NTRK3: variants seen among roughly 807,000 people sequenced by gnomAD.
The protein encoded by NTRK3 is NT-3 growth factor receptor.
Under a neutral mutation model 91.7 loss-of-function variants are expected in NTRK3, and 24 were observed. The observed-to-expected ratio is 0.26, with a 90% CI of 0.19 to 0.37. The LOEUF (loss-of-function observed/expected upper bound fraction) is 0.37, where lower values mean the gene tolerates loss of function less well. Among genes scored for constraint, NTRK3 ranks in the 10% least tolerant of loss-of-function variants. The pLI is 1.00. For missense variants in NTRK3, 880 were observed against 1,068.9 expected, an observed-to-expected ratio of 0.82 and a Z score of 2.46; for synonymous variants, 483 against 404.0, an observed-to-expected ratio of 1.20 and a Z score of -2.34.
intron 17 of NTRK3, among the ~76,000 whole-genome samples, chr15:87,917,878 C>A (rs935978767): frequency 1.3e-5 from 2 of 152,170 alleles, no homozygotes; most frequent in African/African-American, 4.8e-5. Context: ...GCACAGTCTT[C>A]AGAGATATGA....
chr15:87,995,215 T>G lies in NTRK3; in HGVS notation c.1585+37642A>C, dbSNP rs371803292. Among the ~76,000 whole-genome samples the G allele has an allele frequency of 2.6e-5, 4 of 152,260 alleles. No individual in the cohort carries two copies. The East Asian group carries it at 7.7e-4, about 29-fold the overall frequency. Reference sequence around the variant, plus strand: ...TCAGGTAGACACACCCAGCCTGCACTCACCAAATCTGTGCCTTAGCCCTCA... The same window carrying G: ...TCAGGTAGACACACCCAGCCTGCACGCACCAAATCTGTGCCTTAGCCCTCA... On this transcript the variant is annotated intron_variant, in intron 14 of 18. Transcript: ENST00000394480.
intron 14 of NTRK3, among the ~76,000 whole-genome samples, chr15:88,003,053 G>A (rs2076231351): frequency 6.6e-6 from 1 of 152,152 alleles, no homozygotes; most frequent in Non-Finnish European, 1.5e-5. Flanking sequence ...TAATCACAGA[G>A]CAAAGGGCAT....
chr15:88,197,826 T>C (rs2047961290), intron 3 of NTRK3, among the ~76,000 whole-genome samples: 1 of 152,214 alleles, frequency 6.6e-6, no homozygotes, highest in Non-Finnish European at 1.5e-5. Context: ...GGCATCATCA[T>C]GCCGTCTCCC....
At chr15:87,871,509 C>A (rs1282143195) in exon 19 of NTRK3, 4 of 230,540 alleles carry the variant, frequency 1.7e-5, no homozygotes, top group Middle Eastern at 1.3e-3. Context: ...TATACCAACC[C>A]CCAAATAAGA....
At chr15:88,150,098 T>G (rs1041468000) in intron 5 of NTRK3, among the ~76,000 whole-genome samples, 14 of 152,276 alleles carry the variant, frequency 9.2e-5, no homozygotes, top group African/African-American at 3.4e-4. Flanking sequence ...CAATGGGCAG[T>G]TGGTAGCCAG....
At chr15:88,068,495 T>G (rs938865538) in intron 13 of NTRK3, among the ~76,000 whole-genome samples, 2 of 152,088 alleles carry the variant, frequency 1.3e-5, no homozygotes, top group Non-Finnish European at 2.9e-5. Context: ...AAGGAATACT[T>G]TGACTACCAG....
chr15:88,067,775 A>C (rs1440929375), intron 13 of NTRK3, among the ~76,000 whole-genome samples: 4 of 152,218 alleles, frequency 2.6e-5, no homozygotes, highest in Non-Finnish European at 5.9e-5. Flanking sequence ...TCTCAGTCTC[A>C]ATTTTCTATA....
chr15:88,074,645 G>A (rs1325264263), intron 13 of NTRK3, among the ~76,000 whole-genome samples: 1 of 152,158 alleles, frequency 6.6e-6, no homozygotes, highest in Non-Finnish European at 1.5e-5. Flanking sequence ...GCTAGTAAAT[G>A]ATGACATCAA....
chr15:87,912,762 G>C (rs528493593), intron 17 of NTRK3, among the ~76,000 whole-genome samples: 1 of 150,136 alleles, frequency 6.7e-6, no homozygotes, highest in Admixed American at 6.7e-5. Flanking sequence ...TCATCCAGAC[G>C]TTTATCAAGG....
chr15:87,947,724 G>C (rs943596056), intron 14 of NTRK3, among the ~76,000 whole-genome samples: 1 of 152,146 alleles, frequency 6.6e-6, no homozygotes, highest in African/African-American at 2.4e-5. Flanking sequence ...GAGAGGAAGG[G>C]AGGATCTGTG....
intron 3 of NTRK3, among the ~76,000 whole-genome samples, chr15:88,222,431 G>T (rs759545335): frequency 6.6e-6 from 1 of 152,168 alleles, no homozygotes; most frequent in Admixed American, 6.5e-5. Context: ...CACAGTTTAC[G>T]TTCCTAACCC....
At chr15:87,953,485 G>T (rs968809219) in intron 14 of NTRK3, among the ~76,000 whole-genome samples, 3 of 152,214 alleles carry the variant, frequency 2.0e-5, no homozygotes, top group Non-Finnish European at 4.4e-5. Context: ...TCTCTGGGAA[G>T]ATCCCAGACA....
At chr15:88,024,559 C>T (rs1011234792) in intron 14 of NTRK3, among the ~76,000 whole-genome samples, 2 of 152,154 alleles carry the variant, frequency 1.3e-5, no homozygotes, top group Non-Finnish European at 1.5e-5. Context: ...GACGCCAAGA[C>T]AGAGCTACCA....
Position 87,916,031 on chromosome 15 carries a change from C to T in NTRK3, c.2133+13160G>A, listed in dbSNP as rs148784618. On this transcript the variant is annotated intron_variant, in intron 17 of 18. Coordinates refer to ENST00000394480, the Ensembl canonical transcript of NTRK3. ...TTAGCAAAGCCTAGAAAAAAACAAC[C>T]GAGAGTAAAAACTGTGTTTGAAGTT... Among the ~76,000 whole-genome samples, 202 of 152,194 alleles carry T rather than the reference C, an allele frequency of 1.3e-3. 2 individuals are homozygous for T. The highest frequency in any genetic ancestry group is 2.0e-3 in the Admixed American group (30 of 15,288).
At chr15:88,038,513 G>A (rs989253395) in intron 13 of NTRK3, among the ~76,000 whole-genome samples, 1 of 152,100 alleles carries the variant, frequency 6.6e-6, no homozygotes, top group South Asian at 2.1e-4. Flanking sequence ...GGACAGGGCT[G>A]TTCTAGGCAT....
intron 13 of NTRK3, among the ~76,000 whole-genome samples, chr15:88,055,421 C>A (rs1189775711): frequency 6.6e-6 from 1 of 152,192 alleles, no homozygotes; most frequent in Non-Finnish European, 1.5e-5. Flanking sequence ...AATGCAATTT[C>A]ATATGAACAA....
chr15:88,056,203 T>TATATATATATATATA (rs554008074), intron 13 of NTRK3, among the ~76,000 whole-genome samples: 3 of 60,208 alleles, frequency 5.0e-5, no homozygotes, highest in African/African-American at 7.1e-5. Flanking sequence ...TATATATATA[T>TATATATATATATATA]TTTTTTTTTA....
At position 87,933,275 on chromosome 15, in the gene NTRK3, C is replaced by G. The variant is rs896350264; in HGVS notation, c.1717-91G>C. 6 of 1,221,102 alleles carry G rather than the reference C, an allele frequency of 4.9e-6. No homozygotes were observed. The African/African-American group carries it at 9.8e-5, about 20-fold the overall frequency. The allele number at this position is 1,221,102 out of a possible 1,614,324, so 75.6% of individuals were successfully genotyped here. A position where few individuals can be genotyped will look rare whatever the true frequency, so the allele number is the denominator to read the frequency against. On this transcript the variant is annotated intron_variant, in intron 15 of 18. Coordinates refer to ENST00000394480, the Ensembl canonical transcript of NTRK3. ...GGAAAGAAACTGGCCCCACACACCA[C>G]TGGGTTACCAATAAATATGAATCTA...
At chr15:88,227,829 G>GCCC (rs1467295372) in intron 3 of NTRK3, among the ~76,000 whole-genome samples, 5 of 151,748 alleles carry the variant, frequency 3.3e-5, no homozygotes, top group Non-Finnish European at 5.9e-5. Flanking sequence ...GAAGCTGCAT[G>GCCC]CCCCTCGCAG....
Sources: allele counts gnomAD v4.1 joint callset (sites outside exome capture counted in the v4.1 genomes callset), GRCh38; gene constraint gnomAD v4.1.1; transcripts MANE v1.5; gene names NCBI Gene and HGNC (gene_info 2026-07-23, HGNC 2026-07-21).